PCDHA2: variants seen among roughly 807,000 people sequenced by gnomAD.
PCDHA2 encodes protocadherin alpha-2.
In PCDHA2, 58 loss-of-function variants were observed where a neutral mutation model predicts 66.0. The observed-to-expected ratio is 0.88, with a 90% CI of 0.71 to 1.09. The LOEUF is 1.09. PCDHA2 is among the 50% of genes least tolerant of loss of function. The pLI, the probability that PCDHA2 is intolerant of heterozygous loss-of-function variation, is 0.00. For missense variants in PCDHA2, 1,267 were observed against 1,242.3 expected, an observed-to-expected ratio of 1.02 and a Z score of -0.30; for synonymous variants, 634 against 554.0, an observed-to-expected ratio of 1.14 and a Z score of -2.03.
intron 1 of PCDHA2, among the ~76,000 whole-genome samples, chr5:140,897,453 C>T (rs1437046068): frequency 6.6e-6 from 1 of 151,162 alleles, no homozygotes; most frequent in African/African-American, 2.4e-5. Context: ...GTTTTTTGTC[C>T]TTGCGATAGT....
At chr5:140,896,089 G>GGATTA (rs2065370419) in intron 1 of PCDHA2, among the ~76,000 whole-genome samples, 1 of 152,010 alleles carries the variant, frequency 6.6e-6, no homozygotes, top group Non-Finnish European at 1.5e-5. Flanking sequence ...GGGATTACAG[G>GGATTA]CGTGAGCCAC....
chr5:140,908,307 C>T (rs782169692), intron 1 of PCDHA2, among the ~76,000 whole-genome samples: 43 of 152,180 alleles, frequency 2.8e-4, no homozygotes, highest in Non-Finnish European at 1.3e-4. Context: ...GAAGGAAGGG[C>T]GGCAGGAGTG....
chr5:140,933,999 C>T (rs1399268046), intron 1 of PCDHA2, among the ~76,000 whole-genome samples: 2 of 152,050 alleles, frequency 1.3e-5, no homozygotes, highest in South Asian at 2.1e-4. Context: ...TGTCACCTCT[C>T]ATTTTTCTTG....
chr5:140,920,766 C>T (rs370765138), intron 1 of PCDHA2, among the ~76,000 whole-genome samples: 66 of 151,878 alleles, frequency 4.3e-4, no homozygotes, highest in African/African-American at 1.6e-3. Context: ...ATTGCTTACA[C>T]CTGGGAGGTG....
chr5:140,965,242 A>T (rs1373643411), intron 1 of PCDHA2, among the ~76,000 whole-genome samples: 2 of 152,196 alleles, frequency 1.3e-5, no homozygotes, highest in African/African-American at 4.8e-5. Context: ...GGGAAGAGTG[A>T]ATATTCAGAA....
chr5:140,942,588 A>T (rs1416575390), intron 1 of PCDHA2, among the ~76,000 whole-genome samples: 1 of 149,588 alleles, frequency 6.7e-6, no homozygotes, highest in South Asian at 2.1e-4. Flanking sequence ...AGGATGTCAC[A>T]TATAATTATA....
At chr5:140,998,099 CAGA>C (rs2097796305) in intron 3 of PCDHA2, among the ~76,000 whole-genome samples, 1 of 152,130 alleles carries the variant, frequency 6.6e-6, no homozygotes, top group African/African-American at 2.4e-5. Context: ...CTAGAGCAAA[CAGA>C]GGAGAAAATT....
chr5:140,977,925 A>T (rs782072280), intron 1 of PCDHA2, among the ~76,000 whole-genome samples: 4 of 152,152 alleles, frequency 2.6e-5, no homozygotes, highest in African/African-American at 7.2e-5. Context: ...TTTTCATTCA[A>T]CTATACCTCA....
At chr5:140,838,285 T>TTA (rs1554136986) in intron 1 of PCDHA2, among the ~76,000 whole-genome samples, 1 of 149,460 alleles carries the variant, frequency 6.7e-6, no homozygotes, top group East Asian at 2.0e-4. Flanking sequence ...TGCTAATTTT[T>TTA]TTTTTTTTTT....
intron 1 of PCDHA2, chr5:140,801,049 C>G (rs1170027374): frequency 2.1e-6 from 3 of 1,438,556 alleles, no homozygotes; most frequent in Admixed American, 5.7e-5. Flanking sequence ...AAAGAAATAA[C>G]AGCGTGCATT....
chr5:140,876,286 G>C (rs782471001), intron 1 of PCDHA2: 14 of 1,614,040 alleles, frequency 8.7e-6, no homozygotes, highest in Non-Finnish European at 1.0e-5. Context: ...TCCAGACGAA[G>C]GACTTAATGG....
At position 140,795,231 on chromosome 5, in the gene PCDHA2, G is replaced by A. The variant is rs1554119318; in HGVS notation, c.267G>A (p.Arg89=). 3 of 1,614,134 alleles carry A rather than the reference G, an allele frequency of 1.9e-6. No individual in the cohort carries two copies. The highest frequency in any genetic ancestry group is 2.5e-6 in the Non-Finnish European group (3 of 1,180,054). The change falls in exon 1 of 4, where the codon CGG becomes CGA. Residue 89 remains arginine (R), a synonymous_variant. Coordinates refer to ENST00000526136, the MANE Select transcript of PCDHA2 (RefSeq NM_018905.3). ...ATGGCATTTTGTTTGTGAATTCTCG[G>A]ATCGACCGGGAGGAGCTGTGCGGGC... ...LQNGILFVNS[R]IDREELCGRS...
rs1210626259 is a variant in PCDHA2 at position 140,824,001 on chromosome 5, C to T, written c.2388+26649C>T. 3 of 1,613,960 alleles carry T rather than the reference C, an allele frequency of 1.9e-6. No homozygotes were observed. The African/African-American group carries it at 4.0e-5, about 22-fold the overall frequency. On this transcript the variant is annotated intron_variant, in intron 1 of 3. Coordinates refer to ENST00000526136, the MANE Select transcript of PCDHA2 (RefSeq NM_018905.3). ...GCAAGCCCACTCTGTTGTGCTCCAGCGCGGTGGGGAGCTGGTCGTACTCGC... is the reference window on the plus strand; with the variant it reads ...GCAAGCCCACTCTGTTGTGCTCCAGTGCGGTGGGGAGCTGGTCGTACTCGC...
At chr5:140,863,428 G>A (rs528139564) in intron 1 of PCDHA2, 7 of 657,564 alleles carry the variant, frequency 1.1e-5, no homozygotes, top group Non-Finnish European at 1.9e-5. Context: ...CAGCGTAGTG[G>A]GATCTGGTCT....
chr5:140,937,728 C>T (rs1180728000), intron 1 of PCDHA2, among the ~76,000 whole-genome samples: 4 of 151,954 alleles, frequency 2.6e-5, no homozygotes, highest in African/African-American at 7.2e-5. Flanking sequence ...CTGGCTAACA[C>T]GGTGAAACCC....
At chr5:140,922,891 G>GA (rs1554201035) in intron 1 of PCDHA2, among the ~76,000 whole-genome samples, 2 of 152,160 alleles carry the variant, frequency 1.3e-5, no homozygotes, top group Non-Finnish European at 2.9e-5. Context: ...CATCATTCAA[G>GA]AAAAAATTTT....
chr5:140,967,833 T>C, intron 1 of PCDHA2: 1 of 1,614,132 alleles, frequency 6.2e-7, no homozygotes, highest in Non-Finnish European at 8.5e-7. Context: ...GTGGACATCG[T>C]GGACGTGAAT....
intron 1 of PCDHA2, among the ~76,000 whole-genome samples, chr5:140,956,909 A>C (rs1395848380): frequency 2.0e-5 from 3 of 152,198 alleles, no homozygotes; most frequent in African/African-American, 7.2e-5. Context: ...TAAATGTATA[A>C]ACTTTAATCT....
In PCDHA2 at chr5:140,877,126, C is replaced by G. The variant is rs781947378; in HGVS notation, c.2388+79774C>G. 10 of 1,613,632 alleles carry G rather than the reference C, an allele frequency of 6.2e-6. No homozygotes were observed. The African/African-American group carries it at 1.3e-4, about 22-fold the overall frequency. On this transcript the variant is annotated intron_variant, in intron 1 of 3. Transcript: ENST00000526136. ...GCCTCTGGGCAGCAACGTGACGCTG[C>G]AGGTGTTCGTGCTGGACGAGAACGA... is the stretch of plus-strand genomic sequence containing the variant.
Sources: allele counts gnomAD v4.1 joint callset (sites outside exome capture counted in the v4.1 genomes callset), GRCh38; gene constraint gnomAD v4.1.1; transcripts MANE v1.5; gene names NCBI Gene and HGNC (gene_info 2026-07-23, HGNC 2026-07-21).